NLGN4X: variants seen among roughly 807,000 people sequenced by gnomAD.
NLGN4X encodes neuroligin-4, X-linked.
A neutral mutation model predicts 40.3 loss-of-function variants in NLGN4X; 3 were observed. The observed-to-expected ratio is 0.07, with a 90% CI of 0.03 to 0.19. NLGN4X has a LOEUF of 0.19. Among genes scored for constraint, NLGN4X ranks in the 10% least tolerant of loss-of-function variants. The pLI, the probability that NLGN4X is intolerant of heterozygous loss-of-function variation, is 1.00. For missense variants in NLGN4X, 382 were observed against 708.3 expected (o/e 0.54, Z 5.23); for synonymous variants, 270 against 306.8 (o/e 0.88, Z 1.25).
chrX:5,938,303 T>C (rs2033799350), intron 3 of NLGN4X, among the ~76,000 whole-genome samples: 2 of 111,102 alleles, frequency 1.8e-5, no homozygotes, highest in African/African-American at 6.6e-5. Flanking sequence ...TTCAATGTTA[T>C]GATCAAGGGA....
intron 3 of NLGN4X, among the ~76,000 whole-genome samples, chrX:5,980,804 T>C (rs772125556): frequency 9.0e-6 from 1 of 111,411 alleles, no homozygotes; most frequent in South Asian, 3.8e-4. Flanking sequence ...TATAGCTCTA[T>C]ACTAAGTCTT....
At chrX:6,095,656 C>T (rs2038753325) in intron 2 of NLGN4X, among the ~76,000 whole-genome samples, 1 of 112,144 alleles carries the variant, frequency 8.9e-6, no homozygotes, top group South Asian at 3.7e-4. Context: ...GATTACCATA[C>T]TGGTGCTCAA....
At chrX:6,003,545 C>T (rs373617662) in intron 3 of NLGN4X, among the ~76,000 whole-genome samples, 2 of 111,885 alleles carry the variant, frequency 1.8e-5, no homozygotes, top group East Asian at 2.8e-4. Flanking sequence ...TTCCTTCTCC[C>T]TATGTTGAGG....
intron 2 of NLGN4X, among the ~76,000 whole-genome samples, chrX:6,094,584 G>C (rs903781166): frequency 1.8e-5 from 2 of 110,825 alleles, no homozygotes; most frequent in African/African-American, 6.6e-5. Context: ...TCTGGTGCTA[G>C]AGCTGGCAAT....
At chrX:5,964,985 G>A (rs1389700734) in intron 3 of NLGN4X, among the ~76,000 whole-genome samples, 1 of 112,157 alleles carries the variant, frequency 8.9e-6, no homozygotes. Flanking sequence ...TTATCTATAT[G>A]AAATCATCTA....
chrX:6,048,028 T>G (rs1452413398), intron 2 of NLGN4X, among the ~76,000 whole-genome samples: 9 of 111,649 alleles, frequency 8.1e-5, no homozygotes, highest in African/African-American at 9.8e-5. Flanking sequence ...TGGTTCGTGG[T>G]CCCATGAAAT....
chrX:6,062,132 T>C (rs773385284), intron 2 of NLGN4X, among the ~76,000 whole-genome samples: 2 of 111,694 alleles, frequency 1.8e-5, no homozygotes, highest in African/African-American at 6.5e-5. Flanking sequence ...CATTTAAACT[T>C]TGATGATAAC....
At chrX:6,203,575 CCT>C (rs1923802534) in intron 1 of NLGN4X, among the ~76,000 whole-genome samples, 1 of 112,122 alleles carries the variant, frequency 8.9e-6, no homozygotes, top group East Asian at 2.8e-4. Flanking sequence ...TTTCAGCCTC[CCT>C]CTTTCTCTCC....
chrX:5,991,260 T>A (rs760510825), intron 3 of NLGN4X, among the ~76,000 whole-genome samples: 7 of 110,110 alleles, frequency 6.4e-5, no homozygotes, highest in African/African-American at 2.3e-4. Context: ...TTTTTTTTTT[T>A]CCCCCAAAGG....
intron 3 of NLGN4X, among the ~76,000 whole-genome samples, chrX:5,919,963 T>G (rs2032966024): frequency 8.9e-6 from 1 of 112,005 alleles, no homozygotes; most frequent in Non-Finnish European, 1.9e-5. Flanking sequence ...TCATGGTGTC[T>G]GGAAGGCCCC....
intron 2 of NLGN4X, among the ~76,000 whole-genome samples, chrX:6,033,923 T>A (rs1018669369): frequency 1.8e-5 from 2 of 112,342 alleles, no homozygotes; most frequent in Non-Finnish European, 1.9e-5. Context: ...ATCAAGACAG[T>A]CTTTGCCTTC....
chrX:5,914,695 T>C (rs968290587), intron 3 of NLGN4X, among the ~76,000 whole-genome samples: 2 of 110,581 alleles, frequency 1.8e-5, no homozygotes, highest in Non-Finnish European at 3.8e-5. Context: ...CAGACATACA[T>C]TTGTGCACCT....
intron 2 of NLGN4X, among the ~76,000 whole-genome samples, chrX:6,113,319 ACT>A (rs2039195671): frequency 1.8e-5 from 2 of 111,035 alleles, no homozygotes; most frequent in African/African-American, 3.3e-5. Flanking sequence ...TATAAGGAAA[ACT>A]CTACACAATC....
intron 3 of NLGN4X, among the ~76,000 whole-genome samples, chrX:5,997,637 CGT>C (rs1569177354): frequency 4.9e-4 from 11 of 22,649 alleles, no homozygotes; most frequent in Non-Finnish European, 7.1e-4. Flanking sequence ...TATATACACA[CGT>C]ATATATATAT....
intron 3 of NLGN4X, among the ~76,000 whole-genome samples, chrX:5,954,618 G>C (rs187781176): frequency 1.6e-4 from 14 of 87,993 alleles, no homozygotes; most frequent in African/African-American, 5.3e-4. Context: ...CTCTGTCTCT[G>C]TCTCTCTCTG....
chrX:5,936,279 C>A (rs896128110), intron 3 of NLGN4X, among the ~76,000 whole-genome samples: 2 of 111,117 alleles, frequency 1.8e-5, no homozygotes, highest in Non-Finnish European at 3.8e-5. Flanking sequence ...AATTTCTAAT[C>A]CTACGAAACC....
At chrX:6,094,505 C>A (rs995847210) in intron 2 of NLGN4X, among the ~76,000 whole-genome samples, 1 of 110,278 alleles carries the variant, frequency 9.1e-6, no homozygotes, top group African/African-American at 3.3e-5. Flanking sequence ...GATGCTTCAA[C>A]CACACCTAGA....
At chrX:5,968,475 G>C (rs868519221) in intron 3 of NLGN4X, among the ~76,000 whole-genome samples, 35,591 of 66,773 alleles carry the variant, frequency 0.53, 9,840 homozygotes, top group Non-Finnish European at 0.6. Flanking sequence ...GTGTGTGTGT[G>C]TGTGTGTGTG....
At chrX:6,194,908 C>A (rs1318720252) in intron 1 of NLGN4X, among the ~76,000 whole-genome samples, 1 of 111,512 alleles carries the variant, frequency 9.0e-6, no homozygotes, top group Admixed American at 9.5e-5. Flanking sequence ...ACTCCAAAGA[C>A]CATGCATTTT....
Sources: gnomAD v4.1 joint callset for allele counts (sites outside exome capture counted in the v4.1 genomes callset) on GRCh38, gnomAD v4.1.1 for gene constraint, MANE v1.5 for transcripts, NCBI Gene and HGNC (gene_info 2026-07-23, HGNC 2026-07-21) for gene names.